Variants in HECTD4 observed in about 807,000 individuals in gnomAD.
HECTD4 encodes HECT domain E3 ubiquitin protein ligase 4.
In HECTD4, 114 loss-of-function variants were observed where a neutral mutation model predicts 471.5. The observed-to-expected ratio is 0.24, with a 90% CI of 0.21 to 0.28. HECTD4 has a LOEUF of 0.28. Ranked by LOEUF, HECTD4 falls within the 10% of genes least tolerant of loss-of-function variation. The pLI is 1.00. For missense variants in HECTD4, 3,866 were observed against 5,651.5 expected, an observed-to-expected ratio of 0.68 and a Z score of 10.13; for synonymous variants, 2,012 against 2,256.0, an observed-to-expected ratio of 0.89 and a Z score of 3.07.
chr12:112,243,571 C>T lies in HECTD4; in HGVS notation c.4791+49G>A, dbSNP rs75633178. Reference sequence around the variant, plus strand: ...ACTCCTGCTAACTGCCGCAAGACCCCGCATGCTGTTAGGTGCTATTCATCT... The same window carrying T: ...ACTCCTGCTAACTGCCGCAAGACCCTGCATGCTGTTAGGTGCTATTCATCT... On this transcript the variant is annotated intron_variant, in intron 31 of 75. Coordinates refer to ENST00000682272, the MANE Select transcript of HECTD4 (RefSeq NM_001388303.1). This position sits in a 1 kb window ranked among gnomAD's most constrained non-coding sequence, Gnocchi z 6.6. 162 of 1,601,574 alleles carry T rather than the reference C, an allele frequency of 1.0e-4. No individual in the cohort carries two copies. The African/African-American group carries it at 1.1e-3, about 10-fold the overall frequency.
chr12:112,320,336 AAAAT>A (rs1394894173), intron 1 of HECTD4, among the ~76,000 whole-genome samples: 2 of 152,134 alleles, frequency 1.3e-5, no homozygotes, highest in African/African-American at 2.4e-5. Flanking sequence ...CCTGTCTCAA[AAAAT>A]AATACTACAA....
chr12:112,330,844 CCT>C (rs1359877139), intron 1 of HECTD4, among the ~76,000 whole-genome samples: 3 of 152,200 alleles, frequency 2.0e-5, no homozygotes, highest in African/African-American at 7.2e-5. Context: ...GGAAAATAAT[CCT>C]CTCTCTTCCA....
rs1245744578 is a variant in HECTD4 at position 112,312,601 on chromosome 12, T to C, written c.916+416A>G. 2.0e-5 allele frequency among the ~76,000 whole-genome samples: 3 copies of C among 152,230 alleles called. No homozygotes were observed. In the East Asian group the frequency reaches 5.8e-4, roughly 29 times the overall value. The stretch of plus-strand genomic sequence containing the variant: ...ATTCATGCTCCCTTGAACCTCTTCA[T>C]TTTTTGCTTTTAGGACAGGAGGGCT... On this transcript the variant is annotated intron_variant, in intron 4 of 75. Transcript: ENST00000682272.
In HECTD4 at chr12:112,381,607, G is replaced by T. The variant is rs2135778203; in HGVS notation, c.177+345C>A. Among the ~76,000 whole-genome samples the T allele has an allele frequency of 6.6e-6, 1 of 152,288 alleles. No homozygotes were observed. The highest frequency in any genetic ancestry group is 2.4e-5 in the African/African-American group (1 of 41,562). On this transcript the variant is annotated intron_variant, in intron 1 of 75. Coordinates refer to ENST00000682272, the MANE Select transcript of HECTD4 (RefSeq NM_001388303.1). This position sits in a 1 kb window ranked among gnomAD's most constrained non-coding sequence, Gnocchi z 4.1. Reference sequence around the variant, plus strand: ...CTGGAAGTGGGTCCTGGGGGCCCGTGGGGGAGGGGAGGGAGGGCCCGGGTG... The same window carrying T: ...CTGGAAGTGGGTCCTGGGGGCCCGTTGGGGAGGGGAGGGAGGGCCCGGGTG...
chr12:112,277,023 T>G (rs1383034825), intron 9 of HECTD4, among the ~76,000 whole-genome samples: 2 of 152,152 alleles, frequency 1.3e-5, no homozygotes, highest in Admixed American at 1.3e-4. Context: ...GGAAACAGTT[T>G]AGCAGTCCCT....
intron 1 of HECTD4, among the ~76,000 whole-genome samples, chr12:112,362,052 C>CCAATTA (rs2036460292): frequency 6.6e-6 from 1 of 152,082 alleles, no homozygotes; most frequent in South Asian, 2.1e-4. Context: ...CTATAGGTTC[C>CCAATTA]CAATTACAAT....
At chr12:112,269,387 A>C (rs180912289) in intron 13 of HECTD4, among the ~76,000 whole-genome samples, 2 of 152,332 alleles carry the variant, frequency 1.3e-5, no homozygotes, top group East Asian at 3.9e-4. Context: ...CCTGCTTCTT[A>C]ACCACCCTGC....
At chr12:112,233,307 G>A (rs1265084479) in intron 37 of HECTD4, among the ~76,000 whole-genome samples, 5 of 140,636 alleles carry the variant, frequency 3.6e-5, no homozygotes, top group East Asian at 2.1e-4. Flanking sequence ...CTGCAGCCTC[G>A]ATCTCCCTAG....
intron 13 of HECTD4, among the ~76,000 whole-genome samples, chr12:112,269,164 C>T (rs1167069355): frequency 1.3e-5 from 2 of 152,218 alleles, no homozygotes; most frequent in Non-Finnish European, 2.9e-5. Context: ...TGAGCCACCG[C>T]GCCCGGCCCT....
At chr12:112,210,322 C>T (rs982556017) in intron 49 of HECTD4, 70 bp from the exon 50 acceptor site, 54 of 1,499,704 alleles carry the variant, frequency 3.6e-5, no homozygotes, top group Admixed American at 6.8e-5. Flanking sequence ...GAGCCCAAGG[C>T]GCAGCTCACT....
chr12:112,190,149 C>T (rs1357896429), intron 60 of HECTD4, among the ~76,000 whole-genome samples: 1 of 152,170 alleles, frequency 6.6e-6, no homozygotes, highest in South Asian at 2.1e-4. Flanking sequence ...GTGCACTTAC[C>T]AGCTAGATTC....
At chr12:112,260,902 G>A (rs1489253546) in intron 18 of HECTD4, among the ~76,000 whole-genome samples, 1 of 152,068 alleles carries the variant, frequency 6.6e-6, no homozygotes, top group East Asian at 1.9e-4. Context: ...AAAATCTTGA[G>A]GTACCACATC....
At chr12:112,337,140 A>C (rs1041271025) in intron 1 of HECTD4, among the ~76,000 whole-genome samples, 3 of 152,228 alleles carry the variant, frequency 2.0e-5, no homozygotes, top group African/African-American at 7.2e-5. Context: ...TAAACAACTA[A>C]TATTAATTCA....
rs1034810505 is a variant in HECTD4, at chr12:112,188,965, G to A, written c.9472+1821C>T. 2.6e-5 allele frequency among the ~76,000 whole-genome samples: 4 copies of A among 152,220 alleles called. No individual in the cohort carries two copies. Among genetic ancestry groups the A allele is most frequent in the African/African-American group, 7.2e-5 (3 of 41,458 alleles). Reference sequence around the variant, plus strand: ...AGAATTCTTCACCAAAATTGCACATGACGGCCTATGCGCTGAAACTTATTC... The same window carrying A: ...AGAATTCTTCACCAAAATTGCACATAACGGCCTATGCGCTGAAACTTATTC... On this transcript the variant is annotated intron_variant, in intron 60 of 75. Transcript: ENST00000682272. This position sits in a 1 kb window ranked among gnomAD's most constrained non-coding sequence, Gnocchi z 4.2.
Position 112,161,716 on chromosome 12 carries a change from C to A in HECTD4, c.*671G>T, listed in dbSNP as rs1052476993. ...CGAGGAGGCCTCAGATGAAAACTGT[C>A]AGACCAGGGCCCAAAGAGACAGACG... is the stretch of plus-strand genomic sequence containing the variant. On this transcript the variant is annotated 3_prime_UTR_variant, in exon 76 of 76. Transcript: ENST00000682272. The A allele has an allele frequency of 1.3e-5, 2 of 152,304 alleles. No individual in the cohort carries two copies. The highest frequency in any genetic ancestry group is 4.8e-5 in the African/African-American group (2 of 41,446). 9.4% of individuals were successfully genotyped at this position (152,304 alleles called of 1,614,324 possible).
chr12:112,292,013 A>G (rs2034898616), intron 7 of HECTD4, among the ~76,000 whole-genome samples: 1 of 152,216 alleles, frequency 6.6e-6, no homozygotes, highest in East Asian at 1.9e-4. Context: ...CCAAACCTAC[A>G]ATGAACCTTT....
At chr12:112,175,911 G>T in intron 65 of HECTD4, 52 bp from the exon 66 acceptor site, 1 of 1,602,600 alleles carries the variant, frequency 6.2e-7, no homozygotes, top group Non-Finnish European at 8.5e-7. Flanking sequence ...CGCACATCGC[G>T]CGCCTCCAAC....
chr12:112,267,281 C>T (rs994647317), intron 13 of HECTD4: 7 of 305,602 alleles, frequency 2.3e-5, no homozygotes, highest in Non-Finnish European at 2.4e-5. Flanking sequence ...CGAGTAGCTG[C>T]GCTCCCCTGC....
At chr12:112,348,904 A>T (rs2036202878) in intron 1 of HECTD4, among the ~76,000 whole-genome samples, 1 of 152,202 alleles carries the variant, frequency 6.6e-6, no homozygotes, top group Admixed American at 6.5e-5. Flanking sequence ...TCAAAATCTT[A>T]ACAGAGGAAT....
Sources: allele counts gnomAD v4.1 joint callset (sites outside exome capture counted in the v4.1 genomes callset), GRCh38; gene constraint gnomAD v4.1.1; non-coding constraint Gnocchi (gnomAD v3.1); transcripts MANE v1.5; gene names NCBI Gene and HGNC (gene_info 2026-07-23, HGNC 2026-07-21).